Variants in MLXIP observed in about 807,000 individuals in gnomAD.
MLXIP encodes MLX-interacting protein.
A neutral mutation model predicts 87.2 loss-of-function variants in MLXIP; 30 were observed. The ratio of observed to expected loss-of-function variants is 0.34; its 90% CI spans 0.26 to 0.47. MLXIP has a LOEUF of 0.47. MLXIP is among the 20% of genes least tolerant of loss of function. MLXIP has a pLI of 1.00. For missense variants in MLXIP, 1,002 were observed against 1,240.1 expected, an observed-to-expected ratio of 0.81 and a Z score of 2.88; for synonymous variants, 530 against 514.0, an observed-to-expected ratio of 1.03 and a Z score of -0.42.
rs1185434524 is a variant in MLXIP, at chr12:122,137,018, G to T, written c.2033-451G>T. ...GGCCGAGAAGGCCGAGTCCACCTGG[G>T]ACTGAGCACGGTCACTCACTCCTCT... On this transcript the variant is annotated intron_variant, in intron 11 of 16. Transcript: ENST00000319080. The surrounding 1 kb of genome is among the most constrained non-coding windows in gnomAD (Gnocchi z 4.1). 2 of 152,296 alleles carry T rather than the reference G, an allele frequency of 1.3e-5. No homozygotes were observed. Among genetic ancestry groups the T allele is most frequent in the African/African-American group, 4.8e-5 (2 of 41,442 alleles). The allele number at this position is 152,296 out of a possible 1,614,324, so 9.4% of individuals were successfully genotyped here.
chr12:122,121,669 G>GGCCTGCCCTCTCT (rs1952787107), intron 1 of MLXIP, among the ~76,000 whole-genome samples: 1 of 152,096 alleles, frequency 6.6e-6, no homozygotes, highest in South Asian at 2.1e-4. Flanking sequence ...GGCCATGCCC[G>GGCCTGCCCTCTCT]GCCTGCCCTC....
intron 1 of MLXIP, among the ~76,000 whole-genome samples, chr12:122,095,140 GTC>G (rs1952331555): frequency 1.4e-5 from 2 of 147,286 alleles, no homozygotes; most frequent in African/African-American, 2.5e-5. Context: ...TGTGTGTGGT[GTC>G]TGTGTGCGGT....
chr12:122,111,401 A>G (rs1446061550), intron 1 of MLXIP, among the ~76,000 whole-genome samples: 2 of 152,182 alleles, frequency 1.3e-5, no homozygotes, highest in Non-Finnish European at 2.9e-5. Context: ...GGTGTCTGCA[A>G]TTGGGTAGAG....
At chr12:122,122,296 C>T (rs1952795936) in intron 1 of MLXIP, among the ~76,000 whole-genome samples, 1 of 152,198 alleles carries the variant, frequency 6.6e-6, no homozygotes, top group Non-Finnish European at 1.5e-5. Flanking sequence ...CAGACGCTTT[C>T]TGGCGGTGCT....
chr12:122,104,106 T>G (rs1175314748), intron 1 of MLXIP, among the ~76,000 whole-genome samples: 1 of 152,204 alleles, frequency 6.6e-6, no homozygotes, highest in East Asian at 1.9e-4. Flanking sequence ...CCTTACATTA[T>G]CCCCAACCCT....
intron 1 of MLXIP, among the ~76,000 whole-genome samples, chr12:122,098,896 C>T (rs768929200): frequency 1.3e-5 from 2 of 152,206 alleles, no homozygotes; most frequent in African/African-American, 2.4e-5. Flanking sequence ...CCTTTGCCTC[C>T]CTGCTCAGCA....
Position 122,145,422 on chromosome 12 carries a change from G to C in MLXIP, c.*3610G>C, listed in dbSNP as rs1412898849. On this transcript the variant is annotated 3_prime_UTR_variant, in exon 17 of 17. Coordinates refer to ENST00000319080, the MANE Select transcript of MLXIP (RefSeq NM_014938.6). ...TAAATTTGGATTCTTAGAGGGCATGGCACCCCCAGTCCCTGCCCAGATAAA... is the reference window on the plus strand; with the variant it reads ...TAAATTTGGATTCTTAGAGGGCATGCCACCCCCAGTCCCTGCCCAGATAAA... The C allele has an allele frequency of 1.3e-5, 2 of 152,274 alleles. No homozygotes were observed. Among genetic ancestry groups the C allele is most frequent in the Non-Finnish European group, 2.9e-5 (2 of 68,096 alleles). The allele number at this position is 152,274 out of a possible 1,614,324, so 9.4% of individuals were successfully genotyped here.
chr12:122,107,019 G>C (rs1417351167), intron 1 of MLXIP, among the ~76,000 whole-genome samples: 1 of 152,200 alleles, frequency 6.6e-6, no homozygotes, highest in East Asian at 1.9e-4. Flanking sequence ...CCTCTCCTCT[G>C]AGAGCACTGG....
Position 122,141,083 on chromosome 12 carries a change from A to G in MLXIP, c.2638A>G (p.Met880Val). Residue 880 changes from methionine (M) to valine (V), a missense_variant and splice_region_variant, in exon 16 of 17, where the codon ATG becomes GTG. Met to Val is a conservative substitution (Grantham distance 21, BLOSUM62 1). Around this residue, in one of 3 missense-constraint regions of MLXIP, gnomAD observed 746 missense variants for 897.0 expected, o/e 0.83. Transcript: ENST00000319080. Reference sequence around the variant, plus strand: ...CTGCTCCCTGCCCATCCTCAGGCCGAGTGAGTGGGGCAGTGCCAGGGTGGG... The same window carrying G: ...CTGCTCCCTGCCCATCCTCAGGCCGGGTGAGTGGGGCAGTGCCAGGGTGGG... ...QHCSLPILRP[M>V]VLSTLRQLST... 3 of 1,608,520 alleles carry G rather than the reference A, an allele frequency of 1.9e-6. No individual in the cohort carries two copies. The highest frequency in any genetic ancestry group is 2.5e-6 in the Non-Finnish European group (3 of 1,178,514).
Position 122,138,938 on chromosome 12 carries a change from T to C in MLXIP, c.2508T>C (p.Ile836=), listed in dbSNP as rs1459010243. The C allele has an allele frequency of 6.2e-7, 1 of 1,614,006 alleles. No homozygotes were observed. Among genetic ancestry groups the C allele is most frequent in the Non-Finnish European group, 8.5e-7 (1 of 1,179,856 alleles). Residue 836 remains isoleucine (I), a splice_region_variant and synonymous_variant, in exon 15 of 17, where the codon ATT becomes ATC. Coordinates refer to ENST00000319080, the MANE Select transcript of MLXIP (RefSeq NM_014938.6). ...TRTLQNWKFW[I]FSIIIKPLFE... ...CCTTGCAGAATTGGAAGTTCTGGAT[T>C]GTATCTTTGGGTTTTCTTTTTGCTC...
At chr12:122,080,192 A>T (rs1042436383) in intron 1 of MLXIP, among the ~76,000 whole-genome samples, 2 of 152,086 alleles carry the variant, frequency 1.3e-5, no homozygotes, top group Non-Finnish European at 2.9e-5. Context: ...GCGCAACAGA[A>T]CTTCTTTGGA....
Position 122,135,216 on chromosome 12 carries a change from C to T in MLXIP, c.1733-8C>T, listed in dbSNP as rs751604270. 5 of 1,612,618 alleles carry T rather than the reference C, an allele frequency of 3.1e-6. No homozygotes were observed. Among genetic ancestry groups the T allele is most frequent in the Middle Eastern group, 1.7e-4 (1 of 6,060 alleles). On this transcript the variant is annotated splice_region_variant and splice_polypyrimidine_tract_variant and intron_variant, in intron 9 of 16. Transcript: ENST00000319080. The surrounding 1 kb of genome is among the most constrained non-coding windows in gnomAD (Gnocchi z 5.3). ...GGCTGCACCTGAACATCCTCCTTAT[C>T]CTGGCAGCTGCCTTTTCAGGCCAAC...
Sources: gnomAD v4.1 joint callset for allele counts (sites outside exome capture counted in the v4.1 genomes callset) on GRCh38, gnomAD v4.1.1 for gene constraint, gnomAD v4.1.1 regional missense constraint, Gnocchi (gnomAD v3.1) non-coding constraint, MANE v1.5 for transcripts, NCBI Gene and HGNC (gene_info 2026-07-23, HGNC 2026-07-21) for gene names.